PRKCA: variants seen among roughly 807,000 people sequenced by gnomAD.
PRKCA encodes protein kinase C alpha type.
PRKCA carries 27 observed loss-of-function variants against 87.0 expected under a neutral mutation model. The observed-to-expected ratio is 0.31, with a 90% confidence interval of 0.23 to 0.43. The LOEUF is 0.43. PRKCA is among the 20% of genes least tolerant of loss of function. The pLI, the probability that PRKCA is intolerant of heterozygous loss-of-function variation, is 1.00. For synonymous variants in PRKCA, 329 were observed against 311.1 expected (o/e 1.06, Z -0.61); for missense variants, 518 against 852.3 (o/e 0.61, Z 4.88).
chr17:66,615,037 T>C (rs780856921), intron 3 of PRKCA, among the ~76,000 whole-genome samples: 1 of 152,142 alleles, frequency 6.6e-6, no homozygotes, highest in Non-Finnish European at 1.5e-5. Context: ...TGTTGTACCA[T>C]ACAAGCCCAG....
chr17:66,581,315 A>G (rs887811948), intron 3 of PRKCA, among the ~76,000 whole-genome samples: 1 of 152,198 alleles, frequency 6.6e-6, no homozygotes, highest in Non-Finnish European at 1.5e-5. Context: ...TGGACAATAT[A>G]TGCACAAATG....
chr17:66,464,749 A>G (rs1475514118), intron 2 of PRKCA, among the ~76,000 whole-genome samples: 1 of 151,988 alleles, frequency 6.6e-6, no homozygotes, highest in African/African-American at 2.4e-5. Context: ...AGTTATTTGT[A>G]TATTTTGTAT....
At chr17:66,750,014 T>C (rs1974394418) in intron 13 of PRKCA, among the ~76,000 whole-genome samples, 1 of 150,904 alleles carries the variant, frequency 6.6e-6, no homozygotes, top group South Asian at 2.1e-4. Flanking sequence ...GGGGAAAGGA[T>C]TGTAGAGAGG....
At chr17:66,578,135 TAAAAC>T (rs896840161) in intron 3 of PRKCA, among the ~76,000 whole-genome samples, 23 of 140,466 alleles carry the variant, frequency 1.6e-4, no homozygotes, top group Admixed American at 7.0e-4. Context: ...AGACTGAATT[TAAAAC>T]AAAACAAAAC....
intron 8 of PRKCA, among the ~76,000 whole-genome samples, chr17:66,692,430 G>A (rs1972810352): frequency 6.6e-6 from 1 of 152,192 alleles, no homozygotes; most frequent in African/African-American, 2.4e-5. Flanking sequence ...ATTTTAGGCA[G>A]GGGTTCAATC....
intron 2 of PRKCA, among the ~76,000 whole-genome samples, chr17:66,366,082 A>G (rs961462938): frequency 6.6e-6 from 1 of 152,120 alleles, no homozygotes; most frequent in South Asian, 2.1e-4. Context: ...CTGCCACTGG[A>G]ACCATCCCTG....
At chr17:66,425,267 C>T (rs371213511) in intron 2 of PRKCA, among the ~76,000 whole-genome samples, 3 of 152,144 alleles carry the variant, frequency 2.0e-5, no homozygotes, top group East Asian at 3.9e-4. Flanking sequence ...CCCTTCTTCT[C>T]CCACCTCCAC....
intron 2 of PRKCA, among the ~76,000 whole-genome samples, chr17:66,493,990 G>A (rs1250380978): frequency 6.6e-6 from 1 of 152,130 alleles, no homozygotes; most frequent in Non-Finnish European, 1.5e-5. Flanking sequence ...GTTTTTGTCT[G>A]TGTTACTCTT....
At chr17:66,686,797 T>C (rs1308298657) in intron 5 of PRKCA, among the ~76,000 whole-genome samples, 2 of 152,152 alleles carry the variant, frequency 1.3e-5, no homozygotes, top group East Asian at 3.9e-4. Context: ...CAGATTCTGC[T>C]TTGGCAGGTT....
At chr17:66,574,066 G>A (rs781372129) in intron 3 of PRKCA, among the ~76,000 whole-genome samples, 2 of 152,130 alleles carry the variant, frequency 1.3e-5, no homozygotes, top group African/African-American at 2.4e-5. Flanking sequence ...CAACACCCAG[G>A]GTTGACAAGG....
chr17:66,524,878 A>G (rs1393181278), intron 3 of PRKCA, among the ~76,000 whole-genome samples: 1 of 152,186 alleles, frequency 6.6e-6, no homozygotes, highest in African/African-American at 2.4e-5. Context: ...ATGCCTTTTT[A>G]TGTAGAAACA....
chr17:66,406,585 G>GA (rs529714675), intron 2 of PRKCA, among the ~76,000 whole-genome samples: 3 of 70,180 alleles, frequency 4.3e-5, no homozygotes, highest in South Asian at 7.1e-4. Flanking sequence ...GCTTTTCCAG[G>GA]TTTTTTTTTT....
chr17:66,771,511 G>GA (rs1341427133), intron 13 of PRKCA, among the ~76,000 whole-genome samples: 1 of 151,886 alleles, frequency 6.6e-6, no homozygotes, highest in African/African-American at 2.4e-5. Flanking sequence ...ATCACACCTA[G>GA]AAAAAAATAT....
At chr17:66,530,446 CCT>C (rs1967498061) in intron 3 of PRKCA, among the ~76,000 whole-genome samples, 1 of 152,146 alleles carries the variant, frequency 6.6e-6, no homozygotes, top group Non-Finnish European at 1.5e-5. Context: ...TCAAATAACA[CCT>C]ATTTCTTTTC....
intron 2 of PRKCA, among the ~76,000 whole-genome samples, chr17:66,377,721 A>ATATATT (rs1350881561): frequency 7.2e-5 from 5 of 69,148 alleles, no homozygotes; most frequent in East Asian, 4.8e-4. Flanking sequence ...ATATATATAT[A>ATATATT]TTTTTTTTTT....
chr17:66,614,639 G>A (rs1044153541), intron 3 of PRKCA, among the ~76,000 whole-genome samples: 2 of 152,082 alleles, frequency 1.3e-5, no homozygotes, highest in Non-Finnish European at 1.5e-5. Flanking sequence ...TGTAAAAGGG[G>A]GCCAGCAATT....
intron 2 of PRKCA, among the ~76,000 whole-genome samples, chr17:66,350,988 T>C (rs1010663323): frequency 2.6e-5 from 4 of 152,268 alleles, no homozygotes; most frequent in Non-Finnish European, 5.9e-5. Flanking sequence ...CTTCTCGTTT[T>C]ATCATGGACT....
rs891417143 is a variant in PRKCA at position 66,320,492 on chromosome 17, A to T, written c.205+14365A>T. Among the ~76,000 whole-genome samples the T allele has an allele frequency of 7.9e-5, 12 of 151,916 alleles. 1 individual carries two copies. The highest frequency in any genetic ancestry group is 3.2e-3 in the Middle Eastern group (1 of 316). On this transcript the variant is annotated intron_variant, in intron 2 of 16. Coordinates refer to ENST00000413366, the MANE Select transcript of PRKCA (RefSeq NM_002737.3). Reference sequence around the variant, plus strand: ...CTTTTAGAGTCAAATATGCATCTAAACTCTAGGAGTTTTACCAGGTAAATA... The same window carrying T: ...CTTTTAGAGTCAAATATGCATCTAATCTCTAGGAGTTTTACCAGGTAAATA...
At chr17:66,589,968 G>A (rs1251511830) in intron 3 of PRKCA, among the ~76,000 whole-genome samples, 2 of 152,158 alleles carry the variant, frequency 1.3e-5, no homozygotes, top group African/African-American at 2.4e-5. Context: ...GCTCCTATGA[G>A]AATCTCATGC....
Sources: gnomAD v4.1 joint callset for allele counts (sites outside exome capture counted in the v4.1 genomes callset) on GRCh38, gnomAD v4.1.1 for gene constraint, MANE v1.5 for transcripts, NCBI Gene and HGNC (gene_info 2026-07-23, HGNC 2026-07-21) for gene names.